TTN: variants seen among roughly 807,000 people sequenced by gnomAD.
TTN encodes connectin.
A neutral mutation model predicts 3,223.0 loss-of-function variants in TTN; 1,525 were observed. That is an observed-to-expected ratio of 0.47 (90% confidence interval 0.45 to 0.49). The LOEUF is 0.49. TTN is among the 20% of genes least tolerant of loss of function. The pLI, the probability that TTN is intolerant of heterozygous loss-of-function variation, is 0.00. For synonymous variants in TTN, 14,094 were observed against 15,161.0 expected, an observed-to-expected ratio of 0.93 and a Z score of 5.17; for missense variants, 40,786 against 43,424.0, an observed-to-expected ratio of 0.94 and a Z score of 5.40.
chr2:178,673,540 G>T, intron 152 of TTN, 93 bp downstream of exon 152: 2 of 882,038 alleles, frequency 2.3e-6, no homozygotes, highest in Non-Finnish European at 1.7e-6. Flanking sequence ...CTATCTAAAT[G>T]ATTATAAGAA....
intron 43 of TTN, 148 bp downstream of exon 43, chr2:178,764,029 A>AGTTTTTAAATTGAATTAAGTTCT (rs1238815980): frequency 8.4e-7 from 1 of 1,184,634 alleles, no homozygotes; most frequent in Non-Finnish European, 1.2e-6. Context: ...TCTTAATTTA[A>AGTTTTTAAATTGAATTAAGTTCT]TAATTGAAAT....
At position 178,557,328 on chromosome 2, in the gene TTN, C is replaced by T. The variant is rs751754225; in HGVS notation, c.87934G>A (p.Val29312Met). 2 of 1,613,952 alleles carry T rather than the reference C, an allele frequency of 1.2e-6. No homozygotes were observed. Among genetic ancestry groups the T allele is most frequent in the Non-Finnish European group, 1.7e-6 (2 of 1,179,854 alleles). The change falls in exon 329 of 363, where the codon GTG (valine) becomes ATG (methionine). Residue 29312 changes from valine to methionine, a missense_variant. Physicochemically the swap from Val to Met is conservative, Grantham distance 21. Coordinates refer to ENST00000589042, the MANE Select transcript of TTN (RefSeq NM_001267550.2). The stretch of plus-strand genomic sequence containing the variant: ...ACTCCAGCAGCATTTTCTGCATACA[C>T]CCTGAATTCATAAATAAGTCCAGCA... Reference protein sequence around the residue: ...ISAGLIYEFRVYAENAAGVGK... With the variant: ...ISAGLIYEFRMYAENAAGVGK...
rs72648275 is a variant in TTN, at chr2:178,538,934, T to G, written c.98989+12A>C. 111 of 1,598,764 alleles carry G rather than the reference T, an allele frequency of 6.9e-5. No individual in the cohort carries two copies. The highest frequency in any genetic ancestry group is 9.3e-5 in the Non-Finnish European group (109 of 1,170,174). ...GCTTCTTTAATTTAACCCCTTCTTC[T>G]GAATTCCTTACCAAATGGATCTTTG... On this transcript the variant is annotated intron_variant, in intron 353 of 362. Coordinates refer to ENST00000589042, the MANE Select transcript of TTN (RefSeq NM_001267550.2).
In TTN at chr2:178,582,953, C is replaced by T. The variant is rs757863803; in HGVS notation, c.65850G>A (p.Lys21950=). 3.3e-6 allele frequency: 5 copies of T among 1,534,458 alleles called. No homozygotes were observed. Among genetic ancestry groups the T allele is most frequent in the Non-Finnish European group, 2.6e-6 (3 of 1,139,420 alleles). ...NSSGSKSATI[K]LKVLDKPGPP... Reference sequence around the variant, plus strand: ...TTTATTAGTTACCTAACACTTTAAGCTTAATGGTGGCTGATTTAGAACCAC... The same window carrying T: ...TTTATTAGTTACCTAACACTTTAAGTTTAATGGTGGCTGATTTAGAACCAC... The change falls in exon 313 of 363, where the codon AAG becomes AAA. Residue 21950 remains lysine, a synonymous_variant. Transcript: ENST00000589042.
chr2:178,775,020 G>A lies in TTN; in HGVS notation c.6691C>T (p.Leu2231Phe). The A allele has an allele frequency of 6.2e-7, 1 of 1,614,002 alleles. No individual in the cohort carries two copies. The highest frequency in any genetic ancestry group is 8.5e-7 in the Non-Finnish European group (1 of 1,179,956). The change falls in exon 29 of 363, where the codon CTC becomes TTC. Residue 2231 changes from leucine (L) to phenylalanine (F), a missense_variant. By Grantham distance (22) the Leu-to-Phe change is conservative (BLOSUM62 0). Transcript: ENST00000589042. ...RMHSDRKVHFLSILTIDTSDA... is the reference protein window; with the variant it reads ...RMHSDRKVHFFSILTIDTSDA... ...GACGTATCAATGGTCAGTATGGAGA[G>A]GAAGTGAACCTTTCTGTCAGAGTGC... is the stretch of plus-strand genomic sequence containing the variant.
rs757029350 is a variant in TTN at position 178,560,316 on chromosome 2, A to G, written c.85816T>C (p.Tyr28606His). 4 of 1,613,792 alleles carry G rather than the reference A, an allele frequency of 2.5e-6. No homozygotes were observed. The highest frequency in any genetic ancestry group is 3.4e-6 in the Non-Finnish European group (4 of 1,179,780). The change falls in exon 326 of 363, where the codon TAT becomes CAT. Residue 28606 changes from tyrosine to histidine, a missense_variant. Transcript: ENST00000589042. ...CCTGTTGATTTCACTCTTAGATCAT[A>G]AACTGGTTTTTTGTTTACACGCACC... ...RWVRVNKKPV[Y>H]DLRVKSTGLR... is the part of the protein sequence containing the mutation.
chr2:178,649,496 TC>T, intron 212 of TTN, 57 bp downstream of exon 212: 1 of 1,500,584 alleles, frequency 6.7e-7, no homozygotes, highest in South Asian at 1.3e-5. Flanking sequence ...CTTATTGGAT[TC>T]CACTTTAAGA....
Position 178,593,738 on chromosome 2 carries a change from T to C in TTN, c.58562A>G (p.Glu19521Gly), listed in dbSNP as rs543122164. 2 of 1,613,346 alleles carry C rather than the reference T, an allele frequency of 1.2e-6. No individual in the cohort carries two copies. The highest frequency in any genetic ancestry group is 4.5e-5 in the East Asian group (2 of 44,698). The change falls in exon 298 of 363, where the codon GAA becomes GGA. Residue 19521 changes from glutamate (E) to glycine (G), a missense_variant. By Grantham distance (98) the Glu-to-Gly change is moderately conservative. Coordinates refer to ENST00000589042, the MANE Select transcript of TTN (RefSeq NM_001267550.2). ...TGGCATCCAGACGTCTTTACCCACT[T>C]CCTTCTTCTCAATAATATAATTGGT... Reference protein sequence around the residue: ...KITNYIIEKKEVGKDVWMPVT... With the variant: ...KITNYIIEKKGVGKDVWMPVT...
In TTN at chr2:178,607,596, C is replaced by T; in HGVS notation, c.53092G>A (p.Gly17698Ser). 6.2e-7 allele frequency: 1 copy of T among 1,613,158 alleles called. No individual in the cohort carries two copies. Among genetic ancestry groups the T allele is most frequent in the Non-Finnish European group, 8.5e-7 (1 of 1,179,386 alleles). The stretch of plus-strand genomic sequence containing the variant: ...CATACTTTTGTAGGTACAGGGCGAC[C>T]AGTCACCACAGCTGGAATTCTAAGA... ...KTLRIPAVVT[G>S]RPVPTKVWTK... The change falls in exon 277 of 363, where the codon GGT becomes AGT. Residue 17698 changes from glycine (G) to serine (S), a missense_variant. Coordinates refer to ENST00000589042, the MANE Select transcript of TTN (RefSeq NM_001267550.2).
At position 178,630,374 on chromosome 2, in the gene TTN, C is replaced by G; in HGVS notation, c.44155-7G>C. Reference sequence around the variant, plus strand: ...CTTCCTTAATTTCACAATCCTGTACCAACAAAACAGAAAAACTTTCATAGA... The same window carrying G: ...CTTCCTTAATTTCACAATCCTGTACGAACAAAACAGAAAAACTTTCATAGA... On this transcript the variant is annotated splice_region_variant and splice_polypyrimidine_tract_variant and intron_variant, in intron 238 of 362. Coordinates refer to ENST00000589042, the MANE Select transcript of TTN (RefSeq NM_001267550.2). The G allele has an allele frequency of 6.3e-7, 1 of 1,589,660 alleles. No homozygotes were observed. Among genetic ancestry groups the G allele is most frequent in the African/African-American group, 1.4e-5 (1 of 73,338 alleles).
At chr2:178,631,537 A>C (rs1166881738) in intron 236 of TTN, among the ~76,000 whole-genome samples, 1 of 152,096 alleles carries the variant, frequency 6.6e-6, no homozygotes, top group Non-Finnish European at 1.5e-5. Flanking sequence ...TTTTATTAAC[A>C]GTAGCTAAAA....
intron 47 of TTN, chr2:178,748,142 C>T (rs397517812): frequency 6.2e-7 from 1 of 1,613,154 alleles, no homozygotes; most frequent in South Asian, 1.1e-5. Flanking sequence ...TTCTAGAGGA[C>T]AACTTTTCTC....
rs1402424317 is a variant in TTN, at chr2:178,775,822, G to A, written c.6042C>T (p.Thr2014=). ...RTEEGYYEAI[T]AVELKSRKKD... is the part of the protein sequence containing the mutation. ...TCTTTCGAGACTTGAGCTCCACAGC[G>A]GTAATGGCTTCATAATAGCCCTCTT... Residue 2014 remains threonine, a synonymous_variant, in exon 28 of 363, where the codon ACC becomes ACT. Transcript: ENST00000589042. The A allele has an allele frequency of 7.4e-6, 12 of 1,613,812 alleles. No homozygotes were observed. Among genetic ancestry groups the A allele is most frequent in the Middle Eastern group, 1.6e-4 (1 of 6,080 alleles).
chr2:178,735,746 A>G lies in TTN; in HGVS notation c.14700T>C (p.Ala4900=). Residue 4900 remains alanine, a synonymous_variant, in exon 50 of 363, where the codon GCT becomes GCC. Transcript: ENST00000589042. ...ACTCAAGGTGGACCTTCTTATTGATAGCGGACTGCACAGGCTCTAATTCTT... is the reference window on the plus strand; with the variant it reads ...ACTCAAGGTGGACCTTCTTATTGATGGCGGACTGCACAGGCTCTAATTCTT... ...FIKELEPVQS[A]INKKVHLECQ... 1 of 1,613,826 alleles carries G rather than the reference A, an allele frequency of 6.2e-7. No homozygotes were observed. Among genetic ancestry groups the G allele is most frequent in the Non-Finnish European group, 8.5e-7 (1 of 1,179,808 alleles).
intron 67 of TTN, 72 bp from the exon 68 acceptor site, chr2:178,727,935 T>C (rs1056732592): frequency 6.1e-6 from 9 of 1,467,716 alleles, no homozygotes; most frequent in African/African-American, 4.3e-5. Flanking sequence ...TTTATGGACA[T>C]TTAAGAAAAC....
In TTN at chr2:178,624,465, G is replaced by C; in HGVS notation, c.44815C>G (p.Pro14939Ala). The C allele has an allele frequency of 6.2e-7, 1 of 1,612,094 alleles. No homozygotes were observed. Among genetic ancestry groups the C allele is most frequent in the Non-Finnish European group, 8.5e-7 (1 of 1,178,802 alleles). The change falls in exon 242 of 363, where the codon CCT (proline) becomes GCT (alanine). Residue 14939 changes from proline to alanine, a missense_variant and splice_region_variant. By Grantham distance (27) the Pro-to-Ala change is conservative. Transcript: ENST00000589042. ...FKTSCNLNVV[P>A]PHVEFLRPLT... ...AGTCCTTTGTAAGAAGAATACTTAC[G>C]CACGACATTCAGGTTACAGGAAGTC... is the stretch of plus-strand genomic sequence containing the variant.
chr2:178,739,250 T>G lies in TTN; in HGVS notation c.13983A>C (p.Leu4661=), dbSNP rs1286906092. ...KCLQDQNTYT[L]VIDKVNTEDH... ...CTTCGGTATTTACTTTGTCGATGAC[T>G]AGCGTATATGTATTTTGATCTTGTA... Residue 4661 remains leucine, a synonymous_variant, in exon 48 of 363, where the codon CTA becomes CTC. Transcript: ENST00000589042. 1 of 1,601,634 alleles carries G rather than the reference T, an allele frequency of 6.2e-7. No homozygotes were observed. The highest frequency in any genetic ancestry group is 8.5e-7 in the Non-Finnish European group (1 of 1,171,174).
chr2:178,745,552 C>T, intron 47 of TTN: 1 of 1,610,360 alleles, frequency 6.2e-7, no homozygotes, highest in Non-Finnish European at 8.5e-7. Flanking sequence ...CAGATCAATG[C>T]TAATAATTAC....
chr2:178,530,624 G>A lies in TTN; in HGVS notation c.105991C>T (p.His35331Tyr). 6.2e-7 allele frequency: 1 copy of A among 1,613,970 alleles called. No homozygotes were observed. Among genetic ancestry groups the A allele is most frequent in the South Asian group, 1.1e-5 (1 of 91,088 alleles). The change falls in exon 358 of 363, where the codon CAT (histidine) becomes TAT (tyrosine). Residue 35331 changes from histidine (H) to tyrosine (Y), a missense_variant. Transcript: ENST00000589042. ...TCTGCTGAATAATGAAACTGGAAATGCCCATTTTCCTTCAGTTTCTTGCCA... is the reference window on the plus strand; with the variant it reads ...TCTGCTGAATAATGAAACTGGAAATACCCATTTTCCTTCAGTTTCTTGCCA... ...KDGKKLKENG[H>Y]FQFHYSADGT...
Sources: allele counts gnomAD v4.1 joint callset (sites outside exome capture counted in the v4.1 genomes callset), GRCh38; gene constraint gnomAD v4.1.1; transcripts MANE v1.5; gene names NCBI Gene and HGNC (gene_info 2026-07-23, HGNC 2026-07-21).